Variants in STK24 observed in about 807,000 individuals in gnomAD.
The protein encoded by STK24 is serine/threonine-protein kinase 24.
In STK24, 21 loss-of-function variants were observed where a neutral mutation model predicts 55.6. The ratio of observed to expected loss-of-function variants is 0.38; its 90% confidence interval spans 0.27 to 0.54. STK24 has a LOEUF of 0.54. STK24 is among the 20% of genes least tolerant of loss of function. The pLI, the probability that STK24 is intolerant of heterozygous loss-of-function variation, is 0.79. For synonymous variants in STK24, 200 were observed against 215.2 expected (o/e 0.93, Z 0.62); for missense variants, 383 against 538.4 (o/e 0.71, Z 2.86).
intron 2 of STK24, among the ~76,000 whole-genome samples, chr13:98,482,710 CG>C (rs1034219709): frequency 2.0e-5 from 3 of 152,200 alleles, no homozygotes; most frequent in African/African-American, 7.2e-5. Context: ...TCACACACAT[CG>C]GGAGAGCAGT....
At chr13:98,494,428 A>AAAAAAAAAAG (rs58955737) in intron 2 of STK24, among the ~76,000 whole-genome samples, 1 of 148,884 alleles carries the variant, frequency 6.7e-6, no homozygotes, top group Admixed American at 6.7e-5. Flanking sequence ...AAAAAAAAAA[A>AAAAAAAAAAG]GTGCCTCTAA....
At chr13:98,456,486 A>G in intron 10 of STK24, 1 of 513,324 alleles carries the variant, frequency 1.9e-6, no homozygotes, top group Admixed American at 2.0e-5. Context: ...GCTTCCCAGC[A>G]CACATCCACT....
In STK24 at chr13:98,446,829, C is replaced by G. The variant is rs918161824; in HGVS notation, c.*6344G>C. 4 of 1,613,786 alleles carry G rather than the reference C, an allele frequency of 2.5e-6. No homozygotes were observed. Among genetic ancestry groups the G allele is most frequent in the Non-Finnish European group, 3.4e-6 (4 of 1,179,832 alleles). Reference sequence around the variant, plus strand: ...TACACGTTCGAAAGGTAGACACCCCCTTCCCACGCACAGGGCCCTGCAGAA... The same window carrying G: ...TACACGTTCGAAAGGTAGACACCCCGTTCCCACGCACAGGGCCCTGCAGAA... On this transcript the variant is annotated 3_prime_UTR_variant, in exon 11 of 11. Coordinates refer to ENST00000539966, the MANE Select transcript of STK24 (RefSeq NM_001032296.4).
chr13:98,522,025 T>C lies in STK24; in HGVS notation c.43-2552A>G, dbSNP rs569676833. ...CCCTCCTCCTCCACTCTCTCCTTCC[T>C]CTGGAGTCCCTTCAAAGTCATCTGG... On this transcript the variant is annotated intron_variant, in intron 1 of 10. Coordinates refer to ENST00000539966, the MANE Select transcript of STK24 (RefSeq NM_001032296.4). 2.1e-4 allele frequency: 293 copies of C among 1,423,258 alleles called. No homozygotes were observed. In the African/African-American group the frequency reaches 4.0e-3, roughly 19 times the overall value. The allele number at this position is 1,423,258 out of a possible 1,614,324, so 88.2% of individuals were successfully genotyped here.
chr13:98,458,064 T>C (rs1190618241), intron 9 of STK24, among the ~76,000 whole-genome samples: 5 of 152,250 alleles, frequency 3.3e-5, no homozygotes, highest in East Asian at 1.9e-4. Context: ...CAAACTGCCT[T>C]TGTGATCCAG....
At chr13:98,542,925 G>C in intron 1 of STK24, 5 of 985,390 alleles carry the variant, frequency 5.1e-6, no homozygotes, top group Non-Finnish European at 6.0e-6. Context: ...GACAGGAACG[G>C]GTGTATTTGT....
Position 98,548,575 on chromosome 13 carries a change from C to T in STK24, c.42+28170G>A, listed in dbSNP as rs7325067. Among the ~76,000 whole-genome samples, 1,088 of 152,090 alleles carry T rather than the reference C, an allele frequency of 7.2e-3. 13 individuals carry two copies. Among genetic ancestry groups the T allele is most frequent in the African/African-American group, 0.02 (831 of 41,544 alleles). On this transcript the variant is annotated intron_variant, in intron 1 of 10. Transcript: ENST00000539966. ...CACATCTTTCTACATGAAAATAGAA[C>T]AAATGGCTGGGCACGGTGGCTCACA...
intron 2 of STK24, among the ~76,000 whole-genome samples, chr13:98,517,563 G>C (rs1896110135): frequency 6.6e-6 from 1 of 152,156 alleles, no homozygotes; most frequent in South Asian, 2.1e-4. Flanking sequence ...CCGGGAGGCG[G>C]AGGGGGCAGT....
chr13:98,547,688 A>G (rs7993521), intron 1 of STK24, among the ~76,000 whole-genome samples: 113,150 of 152,094 alleles, frequency 0.74, 42,253 homozygotes, highest in Non-Finnish European at 0.78. Context: ...GGCAAGATTA[A>G]GAGTAAAATC....
chr13:98,482,392 G>T, intron 2 of STK24, 71 bp from the exon 3 acceptor site: 1 of 864,638 alleles, frequency 1.2e-6, no homozygotes, highest in Non-Finnish European at 1.8e-6. Flanking sequence ...ATAATCAAAG[G>T]GTATTTTTCA....
chr13:98,492,899 G>A (rs889670596), intron 2 of STK24, among the ~76,000 whole-genome samples: 14 of 152,220 alleles, frequency 9.2e-5, no homozygotes, highest in African/African-American at 2.6e-4. Flanking sequence ...TGCATCAGAT[G>A]CCTAAATAAG....
intron 2 of STK24, among the ~76,000 whole-genome samples, chr13:98,488,160 G>GACACACACACACACACACACACAC (rs71213678): frequency 7.7e-6 from 1 of 130,350 alleles, no homozygotes; most frequent in Non-Finnish European, 1.6e-5. Context: ...AAGAGATGAA[G>GACACACACACACACACACACACAC]ACACACACAC....
Position 98,448,026 on chromosome 13 carries a change from G to A in STK24, c.*5147C>T, listed in dbSNP as rs1892963658. 9 of 593,394 alleles carry A rather than the reference G, an allele frequency of 1.5e-5. No individual in the cohort carries two copies. In the South Asian group the frequency reaches 1.8e-4, roughly 12 times the overall value. The allele number at this position is 593,394 out of a possible 1,614,324, so 36.8% of individuals were successfully genotyped here. On this transcript the variant is annotated 3_prime_UTR_variant, in exon 11 of 11. Coordinates refer to ENST00000539966, the MANE Select transcript of STK24 (RefSeq NM_001032296.4). ...GTGTCACTGCAGCAAGGTACTTCCA[G>A]CTCCACACTGAGTGAGTGCCCAGGC...
intron 1 of STK24, among the ~76,000 whole-genome samples, chr13:98,569,053 C>T (rs1362979257): frequency 6.6e-6 from 1 of 152,044 alleles, no homozygotes; most frequent in East Asian, 1.9e-4. Flanking sequence ...TCACGAGAAA[C>T]GAAAACAGCC....
rs551407585 is a variant in STK24 at position 98,469,519 on chromosome 13, G to A, written c.598-2958C>T. Among the ~76,000 whole-genome samples the A allele has an allele frequency of 8.2e-4, 121 of 148,162 alleles. 1 individual carries two copies. The highest frequency in any genetic ancestry group is 1.1e-3 in the Non-Finnish European group (74 of 67,108). On this transcript the variant is annotated intron_variant, in intron 5 of 10. Transcript: ENST00000539966. The stretch of plus-strand genomic sequence containing the variant: ...AGCGAGATCATAAGTCTGGGTGACA[G>A]AGCAAGACCCTGCATCCCCCCCCCC...
At chr13:98,563,153 T>C (rs887307445) in intron 1 of STK24, among the ~76,000 whole-genome samples, 2 of 152,090 alleles carry the variant, frequency 1.3e-5, no homozygotes, top group African/African-American at 4.8e-5. Flanking sequence ...GTTTAAACTA[T>C]GTGATCACTT....
intron 2 of STK24, among the ~76,000 whole-genome samples, chr13:98,484,933 C>A: frequency 6.6e-6 from 1 of 152,190 alleles, no homozygotes; most frequent in East Asian, 1.9e-4. Context: ...TACCCAGACA[C>A]AAGGCTCACC....
intron 2 of STK24, among the ~76,000 whole-genome samples, chr13:98,496,899 C>T (rs898944626): frequency 3.3e-5 from 5 of 152,310 alleles, no homozygotes; most frequent in South Asian, 2.1e-4. Context: ...AAGAAAACAA[C>T]GCAGAGAAGT....
chr13:98,543,263 G>A (rs563354622), intron 1 of STK24, among the ~76,000 whole-genome samples: 3 of 152,152 alleles, frequency 2.0e-5, no homozygotes, highest in Non-Finnish European at 4.4e-5. Flanking sequence ...CCCGCGGCTG[G>A]ACCTGACAGG....
Sources: gnomAD v4.1 joint callset for allele counts (sites outside exome capture counted in the v4.1 genomes callset) on GRCh38, gnomAD v4.1.1 for gene constraint, MANE v1.5 for transcripts, NCBI Gene and HGNC (gene_info 2026-07-23, HGNC 2026-07-21) for gene names.